CNTNAP5: variants seen among roughly 807,000 people sequenced by gnomAD.
CNTNAP5 encodes the protein contactin-associated protein-like 5.
Under a neutral mutation model 150.2 loss-of-function variants are expected in CNTNAP5, and 72 were observed. The ratio of observed to expected loss-of-function variants is 0.48; its 90% CI spans 0.40 to 0.58. CNTNAP5 has a LOEUF of 0.58. CNTNAP5 is among the 20% of genes least tolerant of loss of function. CNTNAP5 has a pLI of 0.00. For synonymous variants in CNTNAP5, 672 were observed against 619.8 expected (o/e 1.08, Z -1.25); for missense variants, 1,636 against 1,626.2 (o/e 1.01, Z -0.10).
intron 3 of CNTNAP5, among the ~76,000 whole-genome samples, chr2:124,334,400 A>G (rs989613074): frequency 1.3e-5 from 2 of 152,144 alleles, no homozygotes; most frequent in Admixed American, 6.6e-5. Context: ...AGAAAGGCCT[A>G]TGGAGTTTTA....
At chr2:124,654,404 A>G (rs1678396227) in intron 13 of CNTNAP5, among the ~76,000 whole-genome samples, 1 of 152,172 alleles carries the variant, frequency 6.6e-6, no homozygotes, top group South Asian at 2.1e-4. Flanking sequence ...GTCATCTCCT[A>G]TGCCTAGTGA....
At chr2:124,518,502 GA>G (rs1229463272) in intron 8 of CNTNAP5, among the ~76,000 whole-genome samples, 1 of 152,110 alleles carries the variant, frequency 6.6e-6, no homozygotes, top group African/African-American at 2.4e-5. Context: ...AGCCACTTTG[GA>G]AAAATTCTGG....
At position 124,702,262 on chromosome 2, in the gene CNTNAP5, C is replaced by T. The variant is rs545463588; in HGVS notation, c.2078-44967C>T. Among the ~76,000 whole-genome samples the T allele has an allele frequency of 1.1e-3, 166 of 147,612 alleles. 2 individuals carry two copies. Among genetic ancestry groups the T allele is most frequent in the African/African-American group, 3.9e-3 (156 of 40,186 alleles). ...TTGAGTGGTCAAATTTGTTGTCATC[C>T]GATTTACATTAAGCATAAGTACTTC... On this transcript the variant is annotated intron_variant, in intron 13 of 23. Coordinates refer to ENST00000682447, the MANE Select transcript of CNTNAP5 (RefSeq NM_001367498.1).
intron 1 of CNTNAP5, among the ~76,000 whole-genome samples, chr2:124,114,068 C>A (rs550953642): frequency 6.6e-6 from 1 of 152,128 alleles, no homozygotes; most frequent in African/African-American, 2.4e-5. Flanking sequence ...TCCCTCACCT[C>A]ATTCAAGAGC....
At chr2:124,703,724 G>A (rs902087887) in intron 13 of CNTNAP5, among the ~76,000 whole-genome samples, 5 of 152,232 alleles carry the variant, frequency 3.3e-5, no homozygotes, top group African/African-American at 1.2e-4. Flanking sequence ...ATTCTGCCCA[G>A]GTCTCATCTC....
intron 13 of CNTNAP5, among the ~76,000 whole-genome samples, chr2:124,702,658 G>A (rs1160735901): frequency 1.8e-4 from 28 of 152,004 alleles, no homozygotes; most frequent in Non-Finnish European, 1.5e-5. Flanking sequence ...AGAATTGCAT[G>A]CCAAGCAGTG....
chr2:124,769,397 C>G (rs1040624478), intron 16 of CNTNAP5, among the ~76,000 whole-genome samples: 1 of 151,876 alleles, frequency 6.6e-6, no homozygotes, highest in Admixed American at 6.6e-5. Context: ...AAAAAAATGC[C>G]CTGAAAGGCT....
At chr2:124,749,917 T>C (rs1352717075) in intron 14 of CNTNAP5, among the ~76,000 whole-genome samples, 1 of 152,144 alleles carries the variant, frequency 6.6e-6, no homozygotes, top group Non-Finnish European at 1.5e-5. Flanking sequence ...GCTGAAGGGC[T>C]CTGTGTCTCC....
intron 3 of CNTNAP5, among the ~76,000 whole-genome samples, chr2:124,361,982 C>G (rs1446957672): frequency 3.3e-5 from 5 of 152,342 alleles, no homozygotes; most frequent in Admixed American, 2.0e-4. Flanking sequence ...GTAGGACCCT[C>G]TGAGCCAGGT....
In CNTNAP5 at chr2:124,581,551, A is replaced by G. The variant is rs528624801; in HGVS notation, c.1756+18228A>G. Among the ~76,000 whole-genome samples, 102 of 152,350 alleles carry G rather than the reference A, an allele frequency of 6.7e-4. No individual in the cohort carries two copies. The Middle Eastern group carries it at 0.01, about 15-fold the overall frequency. ...TATTGGTAAAGGTTAGACAGAGTTC[A>G]GGCGGCAGGGACTGAGAAAAAGTGT... On this transcript the variant is annotated intron_variant, in intron 11 of 23. Transcript: ENST00000682447.
At chr2:124,043,133 G>A (rs1411974280) in intron 1 of CNTNAP5, among the ~76,000 whole-genome samples, 5 of 152,178 alleles carry the variant, frequency 3.3e-5, no homozygotes, top group Non-Finnish European at 1.5e-5. Context: ...AAAAAGGAAA[G>A]TGATAAAATC....
chr2:124,371,100 C>G (rs1321958353), intron 3 of CNTNAP5, among the ~76,000 whole-genome samples: 1 of 152,106 alleles, frequency 6.6e-6, no homozygotes, highest in Admixed American at 6.6e-5. Flanking sequence ...AAGGAGGGTA[C>G]CTCTCACATA....
intron 3 of CNTNAP5, among the ~76,000 whole-genome samples, chr2:124,316,520 T>C (rs1688962663): frequency 6.6e-6 from 1 of 152,056 alleles, no homozygotes; most frequent in Non-Finnish European, 1.5e-5. Flanking sequence ...AGAATGGCTC[T>C]CACAGCCGGG....
intron 10 of CNTNAP5, among the ~76,000 whole-genome samples, chr2:124,558,815 T>C (rs1315654436): frequency 1.3e-5 from 2 of 152,130 alleles, no homozygotes; most frequent in South Asian, 2.1e-4. Context: ...GGGGTCCTTT[T>C]GTTCTTCTTA....
At chr2:124,820,000 C>A (rs1420091804) in intron 19 of CNTNAP5, among the ~76,000 whole-genome samples, 1 of 152,148 alleles carries the variant, frequency 6.6e-6, no homozygotes, top group African/African-American at 2.4e-5. Flanking sequence ...AGCCACACAG[C>A]TATTTGATTT....
chr2:124,403,857 C>T (rs564756387), intron 3 of CNTNAP5, among the ~76,000 whole-genome samples: 7 of 152,294 alleles, frequency 4.6e-5, no homozygotes, highest in East Asian at 1.9e-4. Flanking sequence ...AAGGACCAAA[C>T]GCACGTCTTA....
At chr2:124,300,565 G>C (rs1235940871) in intron 3 of CNTNAP5, among the ~76,000 whole-genome samples, 1 of 152,180 alleles carries the variant, frequency 6.6e-6, no homozygotes, top group Non-Finnish European at 1.5e-5. Flanking sequence ...AGGTCATCAG[G>C]TCTGCAATGC....
At position 124,140,756 on chromosome 2, in the gene CNTNAP5, T is replaced by C. The variant is rs1166703028; in HGVS notation, c.83-80949T>C. ...CCTCTCCTCCTCCAAAGGAACGCAG[T>C]TCCTCACCAGCAATGGAACAAAGCT... is the stretch of plus-strand genomic sequence containing the variant. On this transcript the variant is annotated intron_variant, in intron 1 of 23. Transcript: ENST00000682447. 3.2e-5 allele frequency among the ~76,000 whole-genome samples: 3 copies of C among 95,020 alleles called. No homozygotes were observed. The East Asian group carries it at 9.2e-4, about 29-fold the overall frequency. The allele number at this position is 95,020 out of a possible 152,430, so 62.3% of individuals were successfully genotyped here. A position where few individuals can be genotyped will look rare whatever the true frequency, so the allele number is the denominator to read the frequency against.
intron 11 of CNTNAP5, among the ~76,000 whole-genome samples, chr2:124,579,325 A>C (rs1696360624): frequency 6.6e-6 from 1 of 152,228 alleles, no homozygotes. Context: ...ATATTCTCCC[A>C]TAAAAGTTAT....
Sources: gnomAD v4.1 joint callset for allele counts (sites outside exome capture counted in the v4.1 genomes callset) on GRCh38, gnomAD v4.1.1 for gene constraint, MANE v1.5 for transcripts, NCBI Gene and HGNC (gene_info 2026-07-23, HGNC 2026-07-21) for gene names.